The following CCDC178 variants were observed in gnomAD, a reference collection of about 807,000 sequenced individuals.
The protein encoded by CCDC178 is coiled-coil domain containing 178.
In CCDC178, 126 loss-of-function variants were observed where a neutral mutation model predicts 117.4. That is an observed-to-expected ratio of 1.07 (90% CI 0.93 to 1.24). The LOEUF is 1.24. Among genes scored for constraint, CCDC178 ranks in the 50% most tolerant of loss-of-function variants. CCDC178 has a pLI of 0.00. For synonymous variants in CCDC178, 283 were observed against 313.4 expected, an observed-to-expected ratio of 0.90 and a Z score of 1.02; for missense variants, 1,030 against 986.9, an observed-to-expected ratio of 1.04 and a Z score of -0.59.
chr18:33,429,299 A>G (rs1292962690), intron 2 of CCDC178, among the ~76,000 whole-genome samples: 1 of 152,092 alleles, frequency 6.6e-6, no homozygotes, highest in Non-Finnish European at 1.5e-5. Flanking sequence ...ACAAACTGAG[A>G]GAGAAAGAGA....
chr18:33,349,079 T>C, intron 7 of CCDC178, 104 bp from the exon 8 acceptor site: 1 of 651,608 alleles, frequency 1.5e-6, no homozygotes, highest in South Asian at 2.1e-5. Context: ...GTGGTGAAAC[T>C]TACTATACAA....
chr18:33,323,315 A>G (rs78302319), intron 11 of CCDC178, 176 bp downstream of exon 11: 29,345 of 356,964 alleles, frequency 0.082, 1,397 homozygotes, highest in Non-Finnish European at 0.094. Context: ...ATAATTTTAC[A>G]TATATGAAAT....
intron 20 of CCDC178, among the ~76,000 whole-genome samples, chr18:33,189,967 T>C (rs1165000198): frequency 6.6e-6 from 1 of 152,142 alleles, no homozygotes; most frequent in Non-Finnish European, 1.5e-5. Flanking sequence ...TGGATGCCAG[T>C]GTGCCCTTAT....
intron 11 of CCDC178, among the ~76,000 whole-genome samples, chr18:33,301,131 G>T (rs528235308): frequency 6.6e-6 from 1 of 152,312 alleles, no homozygotes; most frequent in Non-Finnish European, 1.5e-5. Context: ...AGCTGCTCCA[G>T]CTACAATTAT....
chr18:33,415,517 C>A (rs543804164), intron 2 of CCDC178, among the ~76,000 whole-genome samples: 2 of 141,404 alleles, frequency 1.4e-5, no homozygotes, highest in Non-Finnish European at 3.0e-5. Context: ...CACATGGACA[C>A]AGGAAGGGGG....
intron 12 of CCDC178, among the ~76,000 whole-genome samples, chr18:33,290,803 T>C (rs1331951675): frequency 6.6e-6 from 1 of 151,934 alleles, no homozygotes; most frequent in Non-Finnish European, 1.5e-5. Flanking sequence ...CACACAAACA[T>C]AAAAGCCTAA....
In CCDC178 at chr18:33,241,429, C is replaced by CGTGTGT. The variant is rs60878431; in HGVS notation, c.1593+3810_1593+3815dup. On this transcript the variant is annotated intron_variant, in intron 15 of 22. Transcript: ENST00000383096. ...TGACCCTCTTTGCAGATTATATGAT[C>CGTGTGT]GTGTGTGTGTGTGTGTGTGTGTGTG... Among the ~76,000 whole-genome samples the CGTGTGT allele has an allele frequency of 4.4e-3, 643 of 145,006 alleles. 4 individuals are homozygous for CGTGTGT. Among genetic ancestry groups the CGTGTGT allele is most frequent in the African/African-American group, 0.015 (591 of 39,518 alleles).
intron 22 of CCDC178, chr18:32,957,682 A>G (rs1320404243): frequency 6.6e-6 from 1 of 152,236 alleles, no homozygotes; most frequent in African/African-American, 2.4e-5. Flanking sequence ...CCAACAGAGT[A>G]AATCAGGATA....
At chr18:33,215,829 G>A (rs2059159231) in intron 18 of CCDC178, 134 bp from the exon 19 acceptor site, 1 of 600,854 alleles carries the variant, frequency 1.7e-6, no homozygotes, top group South Asian at 3.0e-5. Flanking sequence ...GCTCACTCCT[G>A]TAATCCCAGC....
intron 20 of CCDC178, among the ~76,000 whole-genome samples, chr18:33,125,469 T>C (rs1355643379): frequency 6.6e-6 from 1 of 152,142 alleles, no homozygotes; most frequent in African/African-American, 2.4e-5. Context: ...CCTAAATGAC[T>C]TCACATATGC....
chr18:33,144,869 A>G (rs551717433), intron 20 of CCDC178, among the ~76,000 whole-genome samples: 9 of 152,214 alleles, frequency 5.9e-5, no homozygotes, highest in Admixed American at 5.9e-4. Flanking sequence ...AGTGCCATGA[A>G]TCACCTGGTG....
At chr18:33,132,536 T>C (rs1178105546) in intron 20 of CCDC178, among the ~76,000 whole-genome samples, 1 of 151,838 alleles carries the variant, frequency 6.6e-6, no homozygotes, top group Non-Finnish European at 1.5e-5. Context: ...ATAGTTTAAA[T>C]GACTAATATT....
At chr18:33,208,473 C>A (rs2059071310) in intron 20 of CCDC178, among the ~76,000 whole-genome samples, 2 of 151,928 alleles carry the variant, frequency 1.3e-5, no homozygotes, top group African/African-American at 4.8e-5. Flanking sequence ...TTGAGTGTGA[C>A]CGCTATATTC....
chr18:32,991,730 C>A (rs2055398339), intron 21 of CCDC178, among the ~76,000 whole-genome samples: 2 of 152,132 alleles, frequency 1.3e-5, no homozygotes. Context: ...TATTCTGATA[C>A]CCAGTCCCAA....
intron 11 of CCDC178, among the ~76,000 whole-genome samples, chr18:33,296,879 CCG>C (rs2062112226): frequency 6.6e-6 from 1 of 152,036 alleles, no homozygotes. Context: ...ACAAAATTAG[CCG>C]AGAGTGGTGT....
intron 6 of CCDC178, among the ~76,000 whole-genome samples, chr18:33,361,470 A>G (rs1220236366): frequency 6.6e-6 from 1 of 151,740 alleles, no homozygotes; most frequent in Non-Finnish European, 1.5e-5. Flanking sequence ...TCAGACTTCA[A>G]AGACAAAAAT....
At chr18:33,319,491 G>C (rs572515902) in intron 11 of CCDC178, among the ~76,000 whole-genome samples, 1 of 151,934 alleles carries the variant, frequency 6.6e-6, no homozygotes, top group Non-Finnish European at 1.5e-5. Flanking sequence ...GAATCATGCC[G>C]CAATAAACAT....
chr18:33,207,339 G>A (rs2059055839), intron 20 of CCDC178, among the ~76,000 whole-genome samples: 1 of 151,820 alleles, frequency 6.6e-6, no homozygotes, highest in Admixed American at 6.6e-5. Context: ...ATCTAGTAAT[G>A]TACTAAAAAT....
chr18:33,228,591 T>G (rs1417315887), intron 15 of CCDC178, among the ~76,000 whole-genome samples: 1 of 152,224 alleles, frequency 6.6e-6, no homozygotes, highest in Non-Finnish European at 1.5e-5. Flanking sequence ...GTGGACAAAT[T>G]TGTACACTGC....
Sources: allele counts gnomAD v4.1 joint callset (sites outside exome capture counted in the v4.1 genomes callset), GRCh38; gene constraint gnomAD v4.1.1; transcripts MANE v1.5; gene names NCBI Gene and HGNC (gene_info 2026-07-23, HGNC 2026-07-21).